The following MRM1 variants were observed in gnomAD, a reference collection of about 807,000 sequenced individuals.
The protein encoded by MRM1 is mitochondrial rRNA methyltransferase 1.
In MRM1, 24 loss-of-function variants were observed where a neutral mutation model predicts 25.0. The observed-to-expected ratio is 0.96, with a 90% confidence interval of 0.69 to 1.35. The LOEUF is 1.35. Among genes scored for constraint, MRM1 ranks in the 40% most tolerant of loss-of-function variants. MRM1 has a pLI of 0.00. For missense variants in MRM1, 431 were observed against 464.1 expected (o/e 0.93, Z 0.65); for synonymous variants, 188 against 199.2 (o/e 0.94, Z 0.47).
chr17:36,621,501 C>T, the MRM1 span, among the ~76,000 whole-genome samples: 55 of 152,318 alleles, frequency 3.6e-4, no homozygotes, highest in African/African-American at 1.3e-3. Context: ...CCCGGCTTCC[C>T]AGTCCCTCTC....
the MRM1 span, among the ~76,000 whole-genome samples, chr17:36,631,542 A>G: frequency 6.6e-6 from 1 of 152,342 alleles, no homozygotes; most frequent in East Asian, 1.9e-4. Context: ...GTCTGCTTTC[A>G]GAGTTGGGAA....
downstream of MRM1, among the ~76,000 whole-genome samples, chr17:36,610,265 C>T (rs1226490049): frequency 6.7e-6 from 1 of 149,448 alleles, no homozygotes; most frequent in Non-Finnish European, 1.5e-5. Flanking sequence ...CGGAGTCTCG[C>T]TCTGTTGCCC....
At chr17:36,609,220 G>A (rs555276317), downstream of MRM1, among the ~76,000 whole-genome samples, 5 of 152,236 alleles carry the variant, frequency 3.3e-5, no homozygotes, top group South Asian at 1.0e-3. Context: ...TCCTCCCCTC[G>A]GGTCCCAGGA....
chr17:36,627,764 C>G, the MRM1 span, among the ~76,000 whole-genome samples: 4 of 149,962 alleles, frequency 2.7e-5, no homozygotes, highest in African/African-American at 7.4e-5. Flanking sequence ...ACCTGCGCCT[C>G]CTGGATTCAA....
At position 36,606,414 on chromosome 17, in the gene MRM1, AT is replaced by A. The variant is rs35048409; in HGVS notation, c.637-1239del. On this transcript the variant is annotated intron_variant, in intron 2 of 4. Coordinates refer to ENST00000614766, the MANE Select transcript of MRM1 (RefSeq NM_024864.5). ...TCCTTGGCCAGGGCTCTGATGGATA[AT>A]TTTTTTTTTTTTTTTTGAGATGGGG... Among the ~76,000 whole-genome samples the A allele has an allele frequency of 8.9e-3, 1,253 of 140,454 alleles. 6 individuals carry two copies. Among genetic ancestry groups the A allele is most frequent in the African/African-American group, 0.021 (792 of 37,580 alleles). 92.1% of individuals were successfully genotyped at this position (140,454 alleles called of 152,430 possible).
the MRM1 span, among the ~76,000 whole-genome samples, chr17:36,625,414 TCTC>T: frequency 0.19 from 26,538 of 142,682 alleles, 2,804 homozygotes; most frequent in Middle Eastern, 0.23. Flanking sequence ...CTCTTCCTCT[TCTC>T]CTCCTCCTCC....
At chr17:36,625,789 C>G in the MRM1 span, among the ~76,000 whole-genome samples, 1 of 152,042 alleles carries the variant, frequency 6.6e-6, no homozygotes, top group Non-Finnish European at 1.5e-5. Flanking sequence ...AGTCCCTTTG[C>G]TGTACCCACC....
chr17:36,609,007 G>C (rs548949770), downstream of MRM1: 1 of 152,480 alleles, frequency 6.6e-6, no homozygotes, highest in South Asian at 2.1e-4. Flanking sequence ...TGGCAGCCTC[G>C]CTCTTCGGTC....
rs777835436 is a variant in MRM1, at chr17:36,607,709, G to A, written c.676G>A (p.Gly226Ser). ...QQGWLVAGTV[G>S]CPSTEDPQSS... ...GGGCTGGCTCGTGGCCGGCACGGTG[G>A]GCTGCCCAAGCACAGAGGATCCCCA... Residue 226 changes from glycine (G) to serine (S), a missense_variant, in exon 3 of 5, where the codon GGC becomes AGC. Gly to Ser is a moderately conservative substitution (Grantham distance 56). Coordinates refer to ENST00000614766, the MANE Select transcript of MRM1 (RefSeq NM_024864.5). The A allele has an allele frequency of 6.2e-7, 1 of 1,614,186 alleles. No individual in the cohort carries two copies. Among genetic ancestry groups the A allele is most frequent in the African/African-American group, 1.3e-5 (1 of 75,058 alleles).
the MRM1 span, among the ~76,000 whole-genome samples, chr17:36,629,649 T>A: frequency 2.7e-5 from 4 of 148,928 alleles, no homozygotes; most frequent in Non-Finnish European, 5.9e-5. Flanking sequence ...TGACTCCTGG[T>A]CATTCTTGGG....
the MRM1 span, among the ~76,000 whole-genome samples, chr17:36,621,239 C>T: frequency 4.7e-4 from 72 of 152,250 alleles, no homozygotes; most frequent in East Asian, 0.013. Context: ...TGTGACTGCT[C>T]CCCATGGCTT....
rs1038415413 is a variant in MRM1, at chr17:36,602,697, T to C, written c.636+51T>C. 2 of 1,598,980 alleles carry C rather than the reference T, an allele frequency of 1.3e-6. No individual in the cohort carries two copies. The highest frequency in any genetic ancestry group is 1.7e-6 in the Non-Finnish European group (2 of 1,166,484). ...ACAGATGTGAGCCCAGCTCAGCCTC[T>C]TCAAGGGGACGAAGCTAGCCCCTGG... On this transcript the variant is annotated intron_variant, in intron 2 of 4. Coordinates refer to ENST00000614766, the MANE Select transcript of MRM1 (RefSeq NM_024864.5). This position sits in a 1 kb window ranked among gnomAD's most constrained non-coding sequence, Gnocchi z 4.1.
chr17:36,628,224 G>A, the MRM1 span, among the ~76,000 whole-genome samples: 1 of 152,298 alleles, frequency 6.6e-6, no homozygotes, highest in East Asian at 1.9e-4. Context: ...CTGGCCTCAA[G>A]CAATCCTCTG....
In MRM1 at chr17:36,601,858, C is replaced by T. The variant is rs2074871348; in HGVS notation, c.48C>T (p.Val16=). Reference sequence around the variant, plus strand: ...GGGGCGCGACCTGGGGTCGCCTCGTCACCCGTCATTTCTCCCATGCAGCGC... The same window carrying T: ...GGGGCGCGACCTGGGGTCGCCTCGTTACCCGTCATTTCTCCCATGCAGCGC... ...TVRGATWGRL[V]TRHFSHAARH... The change falls in exon 1 of 5, where the codon GTC becomes GTT. Residue 16 remains valine, a synonymous_variant. Transcript: ENST00000614766. 6.3e-7 allele frequency: 1 copy of T among 1,598,850 alleles called. No homozygotes were observed. Among genetic ancestry groups the T allele is most frequent in the Non-Finnish European group, 8.5e-7 (1 of 1,174,152 alleles).
chr17:36,611,431 C>T (rs140619241), downstream of MRM1, among the ~76,000 whole-genome samples: 17 of 152,268 alleles, frequency 1.1e-4, no homozygotes, highest in East Asian at 1.3e-3. Context: ...ATGAGAGTAT[C>T]GGTAAAAGAT....
intron 2 of MRM1, among the ~76,000 whole-genome samples, chr17:36,604,726 A>G (rs2074912616): frequency 6.6e-6 from 1 of 151,792 alleles, no homozygotes; most frequent in Admixed American, 6.6e-5. Context: ...GAATCGCTTG[A>G]ACCCGGGAGG....
intron 2 of MRM1, among the ~76,000 whole-genome samples, chr17:36,605,140 C>T (rs578006398): frequency 8.3e-6 from 1 of 120,360 alleles, no homozygotes; most frequent in East Asian, 2.4e-4. Flanking sequence ...AACTCTATCT[C>T]AAAAAAAAAA....
At chr17:36,618,316 G>A in the MRM1 span, among the ~76,000 whole-genome samples, 1 of 152,122 alleles carries the variant, frequency 6.6e-6, no homozygotes. Context: ...GTGCCAGCTG[G>A]GGATATAGCA....
At chr17:36,613,480 C>T (rs1030286560), downstream of MRM1, among the ~76,000 whole-genome samples, 3 of 152,198 alleles carry the variant, frequency 2.0e-5, no homozygotes, top group Middle Eastern at 3.2e-3. Flanking sequence ...CAGGGGTCTT[C>T]CCTGCAACCT....
Sources: gnomAD v4.1 joint callset for allele counts (sites outside exome capture counted in the v4.1 genomes callset) on GRCh38, gnomAD v4.1.1 for gene constraint, Gnocchi (gnomAD v3.1) non-coding constraint, MANE v1.5 for transcripts, NCBI Gene and HGNC (gene_info 2026-07-23, HGNC 2026-07-21) for gene names.